PCDHGB3: variants seen among roughly 807,000 people sequenced by gnomAD.
PCDHGB3 encodes the protein protocadherin gamma subfamily B, 3.
A neutral mutation model predicts 59.2 loss-of-function variants in PCDHGB3; 40 were observed. The ratio of observed to expected loss-of-function variants is 0.68; its 90% CI spans 0.52 to 0.88. PCDHGB3 has a LOEUF of 0.88. Among genes scored for constraint, PCDHGB3 ranks in the 40% least tolerant of loss-of-function variants. The pLI, the probability that PCDHGB3 is intolerant of heterozygous loss-of-function variation, is 0.00. For missense variants in PCDHGB3, 1,309 were observed against 1,187.9 expected (o/e 1.10, Z -1.50); for synonymous variants, 581 against 503.6 (o/e 1.15, Z -2.06).
In PCDHGB3 at chr5:141,421,081, A is replaced by C. The variant is rs775366249; in HGVS notation, c.2415+48272A>C. 61 of 637,820 alleles carry C rather than the reference A, an allele frequency of 9.6e-5. 1 individual carries two copies. The Middle Eastern group carries it at 2.9e-3, about 31-fold the overall frequency. The allele number at this position is 637,820 out of a possible 1,614,324, so 39.5% of individuals were successfully genotyped here. ...ACAAAGCGGAATGAGATGGATACTCACAGATCCTGACACTGGAGACTTAGA... is the reference window on the plus strand; with the variant it reads ...ACAAAGCGGAATGAGATGGATACTCCCAGATCCTGACACTGGAGACTTAGA... On this transcript the variant is annotated intron_variant, in intron 1 of 3. Coordinates refer to ENST00000576222, the MANE Select transcript of PCDHGB3 (RefSeq NM_018924.5).
At chr5:141,375,842 C>A (rs547807235) in intron 1 of PCDHGB3, 13 of 1,614,122 alleles carry the variant, frequency 8.1e-6, no homozygotes, top group Non-Finnish European at 1.1e-5. Flanking sequence ...GCCCGGCTAC[C>A]TGGTGACCAA....
intron 1 of PCDHGB3, chr5:141,409,446 C>A: frequency 6.2e-7 from 1 of 1,613,984 alleles, no homozygotes; most frequent in Middle Eastern, 1.6e-4. Flanking sequence ...CGAGAGCAGA[C>A]ACCAGAATAC....
intron 1 of PCDHGB3, chr5:141,408,782 T>A: frequency 6.2e-7 from 1 of 1,612,108 alleles, no homozygotes. Context: ...ATACCCAGAG[T>A]TATCTCTGGA....
At chr5:141,475,832 T>G in intron 1 of PCDHGB3, 1 of 410,610 alleles carries the variant, frequency 2.4e-6, no homozygotes, top group Non-Finnish European at 4.4e-6. Flanking sequence ...CTAGCGCGTG[T>G]CCTGCTCAGA....
intron 1 of PCDHGB3, among the ~76,000 whole-genome samples, chr5:141,466,594 C>G (rs557960608): frequency 6.6e-6 from 1 of 152,268 alleles, no homozygotes; most frequent in Admixed American, 6.5e-5. Flanking sequence ...TTAAAACAAG[C>G]TAGCTACTTG....
chr5:141,447,119 A>AT (rs2098526425), intron 1 of PCDHGB3, among the ~76,000 whole-genome samples: 1 of 150,848 alleles, frequency 6.6e-6, no homozygotes, highest in South Asian at 2.1e-4. Flanking sequence ...TGCTCCATGG[A>AT]TTTTTTTGTT....
At chr5:141,454,000 T>C (rs1048921374) in intron 1 of PCDHGB3, among the ~76,000 whole-genome samples, 2 of 152,214 alleles carry the variant, frequency 1.3e-5, no homozygotes, top group African/African-American at 4.8e-5. Flanking sequence ...TAAACCCACA[T>C]AACATTTTAG....
intron 1 of PCDHGB3, chr5:141,385,172 C>A (rs1013319688): frequency 1.2e-6 from 2 of 1,614,210 alleles, no homozygotes; most frequent in Non-Finnish European, 8.5e-7. Context: ...CATGAGGTCT[C>A]CCTCACCGCG....
At chr5:141,449,106 T>A (rs2154562506) in intron 1 of PCDHGB3, among the ~76,000 whole-genome samples, 2 of 152,314 alleles carry the variant, frequency 1.3e-5, no homozygotes, top group East Asian at 3.9e-4. Context: ...ATGCAGTATA[T>A]CTTTGGGATG....
At chr5:141,414,533 C>A in intron 1 of PCDHGB3, 1 of 1,613,960 alleles carries the variant, frequency 6.2e-7, no homozygotes, top group Non-Finnish European at 8.5e-7. Context: ...AATGACAACC[C>A]ACCTACCTTC....
At chr5:141,388,619 C>T (rs369637121) in intron 1 of PCDHGB3, 3 of 1,613,852 alleles carry the variant, frequency 1.9e-6, no homozygotes, top group Non-Finnish European at 2.5e-6. Context: ...TCAGTCAAGA[C>T]GTATACAGGG....
Position 141,476,464 on chromosome 5 carries a change from G to A in PCDHGB3, c.2416-18343G>A, listed in dbSNP as rs745664477. On this transcript the variant is annotated intron_variant, in intron 1 of 3. Transcript: ENST00000576222. This position sits in a 1 kb window ranked among gnomAD's most constrained non-coding sequence, Gnocchi z 7.6. ...TGGAGTTGGTAGTGGAGAACCCGCT[G>A]GAGCTGTTCAGCGTGGAAGTGGTGA... 3 of 1,614,140 alleles carry A rather than the reference G, an allele frequency of 1.9e-6. No homozygotes were observed. Among genetic ancestry groups the A allele is most frequent in the Non-Finnish European group, 2.5e-6 (3 of 1,180,014 alleles).
chr5:141,388,636 T>G, intron 1 of PCDHGB3: 1 of 1,613,918 alleles, frequency 6.2e-7, no homozygotes. Context: ...AGGGTGAGCC[T>G]TTCAGAAAAC....
chr5:141,415,128 G>C (rs376477668), intron 1 of PCDHGB3: 33 of 1,613,528 alleles, frequency 2.0e-5, no homozygotes, highest in Admixed American at 5.0e-5. Context: ...TGGCCGTCCA[G>C]GACCACGGCC....
chr5:141,405,800 C>T (rs1034546914), intron 1 of PCDHGB3, among the ~76,000 whole-genome samples: 11 of 147,346 alleles, frequency 7.5e-5, no homozygotes, highest in African/African-American at 2.5e-4. Flanking sequence ...TTATAGTTAG[C>T]TTTCTCTTTA....
Position 141,493,022 on chromosome 5 carries a change from G to T in PCDHGB3, c.2416-1785G>T, listed in dbSNP as rs1184742888. ...GCTATAGGCTCTGCCAGATGCCAGG[G>T]TGCCCTTATGTGTGAGGAAACTACA... On this transcript the variant is annotated intron_variant, in intron 1 of 3. Transcript: ENST00000576222. The surrounding 1 kb of genome is among the most constrained non-coding windows in gnomAD (Gnocchi z 4.3). Among the ~76,000 whole-genome samples the T allele has an allele frequency of 1.3e-5, 2 of 152,222 alleles. No individual in the cohort carries two copies. Among genetic ancestry groups the T allele is most frequent in the Admixed American group, 1.3e-4 (2 of 15,282 alleles).
intron 1 of PCDHGB3, chr5:141,413,488 C>T (rs2095648022): frequency 3.1e-6 from 5 of 1,613,868 alleles, no homozygotes; most frequent in Non-Finnish European, 3.4e-6. Context: ...TCAGAGCGCG[C>T]GGTGCGTGGT....
intron 1 of PCDHGB3, chr5:141,388,956 G>A (rs1010974359): frequency 1.9e-6 from 3 of 1,613,964 alleles, no homozygotes; most frequent in South Asian, 1.1e-5. Flanking sequence ...TATGGAGGAC[G>A]CCGAGCTGGG....
chr5:141,500,124 A>G (rs1042231430), intron 2 of PCDHGB3, among the ~76,000 whole-genome samples: 2 of 151,656 alleles, frequency 1.3e-5, no homozygotes, highest in African/African-American at 2.4e-5. Flanking sequence ...GCCTTTTCAT[A>G]TATATCTTTC....
Sources: gnomAD v4.1 joint callset for allele counts (sites outside exome capture counted in the v4.1 genomes callset) on GRCh38, gnomAD v4.1.1 for gene constraint, Gnocchi (gnomAD v3.1) non-coding constraint, MANE v1.5 for transcripts, NCBI Gene and HGNC (gene_info 2026-07-23, HGNC 2026-07-21) for gene names.